Variants in CRYBG3 observed in about 807,000 individuals in gnomAD.
CRYBG3 encodes the protein very large A-kinase anchor protein.
Under a neutral mutation model 244.2 loss-of-function variants are expected in CRYBG3, and 127 were observed. That is an observed-to-expected ratio of 0.52 (90% CI 0.45 to 0.60). The LOEUF (loss-of-function observed/expected upper bound fraction) is 0.60, where lower values mean the gene tolerates loss of function less well. Among genes scored for constraint, CRYBG3 ranks in the 20% least tolerant of loss-of-function variants. The pLI, the probability that CRYBG3 is intolerant of heterozygous loss-of-function variation, is 0.00. For missense variants in CRYBG3, 3,325 were observed against 3,442.5 expected (o/e 0.97, Z 0.85); for synonymous variants, 1,132 against 1,195.8 (o/e 0.95, Z 1.10).
intron 7 of CRYBG3, among the ~76,000 whole-genome samples, chr3:97,886,314 G>A (rs144086127): frequency 7.3e-4 from 111 of 152,250 alleles, no homozygotes; most frequent in African/African-American, 2.4e-3. Context: ...CACTCAAATA[G>A]TTTGGTAACT....
At chr3:97,867,026 A>C (rs1209168963) in intron 3 of CRYBG3, 1 of 152,168 alleles carries the variant, frequency 6.6e-6, no homozygotes, top group African/African-American at 2.4e-5. Context: ...AAGAATTATA[A>C]TTTAGCCCAG....
chr3:97,866,280 C>G (rs1294039413), intron 3 of CRYBG3, among the ~76,000 whole-genome samples: 1 of 151,980 alleles, frequency 6.6e-6, no homozygotes, highest in African/African-American at 2.4e-5. Context: ...ATATCAAGAG[C>G]CTTAAGTTTG....
At chr3:97,896,191 C>T in intron 12 of CRYBG3, 106 bp downstream of exon 12, 1 of 1,090,620 alleles carries the variant, frequency 9.2e-7, no homozygotes, top group Non-Finnish European at 1.3e-6. Flanking sequence ...ATTTCTAACA[C>T]CCAAGAGTAT....
intron 11 of CRYBG3, among the ~76,000 whole-genome samples, chr3:97,893,346 T>C (rs932976313): frequency 7.2e-5 from 11 of 152,234 alleles, no homozygotes; most frequent in Admixed American, 6.5e-4. Context: ...ACTTGACTTA[T>C]GTACCAAGGA....
At chr3:97,903,358 C>T (rs2039727345) in intron 15 of CRYBG3, among the ~76,000 whole-genome samples, 1 of 152,094 alleles carries the variant, frequency 6.6e-6, no homozygotes, top group Non-Finnish European at 1.5e-5. Flanking sequence ...GGAGCCAAAT[C>T]ACAGAAATAC....
intron 4 of CRYBG3, among the ~76,000 whole-genome samples, chr3:97,879,191 A>G (rs911688487): frequency 6.6e-6 from 1 of 152,120 alleles, no homozygotes; most frequent in Non-Finnish European, 1.5e-5. Flanking sequence ...TTGTCTCCCC[A>G]CACTCTGGGT....
chr3:97,874,540 G>A lies in CRYBG3; in HGVS notation c.3346G>A (p.Val1116Ile), dbSNP rs1352711577. The A allele has an allele frequency of 2.0e-6, 3 of 1,535,512 alleles. No homozygotes were observed. Among genetic ancestry groups the A allele is most frequent in the Non-Finnish European group, 1.7e-6 (2 of 1,146,634 alleles). ...CTCTTATTTGGAATTTGAAACGTCT[G>A]TCTCAATTGGGACAGAAGTAACCCC... ...TTSYLEFETS[V>I]SIGTEVTPFQ... Residue 1116 changes from valine (V) to isoleucine (I), a missense_variant, in exon 4 of 22, where the codon GTC becomes ATC. Around this residue, in one of 4 missense-constraint regions of CRYBG3, gnomAD observed 1,526 missense variants for 1,443.2 expected, o/e 1.06. Coordinates refer to ENST00000389622, the MANE Select transcript of CRYBG3 (RefSeq NM_153605.4).
At chr3:97,942,632 C>T (rs1194901266) in intron 21 of CRYBG3, 189 bp downstream of exon 21, 1 of 535,248 alleles carries the variant, frequency 1.9e-6, no homozygotes, top group Non-Finnish European at 3.2e-6. Flanking sequence ...AACAACAAAG[C>T]TTAGGGTTTT....
chr3:97,923,471 C>T (rs576731364), intron 17 of CRYBG3, among the ~76,000 whole-genome samples: 1 of 152,138 alleles, frequency 6.6e-6, no homozygotes, highest in East Asian at 1.9e-4. Flanking sequence ...GTAAACATCA[C>T]ACTTCCCAGT....
At position 97,822,444 on chromosome 3, in the gene CRYBG3, T is replaced by C. The variant is rs913497383; in HGVS notation, c.149+89T>C. 9.5e-6 allele frequency: 12 copies of C among 1,260,832 alleles called. No individual in the cohort carries two copies. The African/African-American group carries it at 1.9e-4, about 20-fold the overall frequency. The allele number at this position is 1,260,832 out of a possible 1,614,324, so 78.1% of individuals were successfully genotyped here. ...CCTGACCGCCGGCAGCGGGCCGCTC[T>C]TGGGCCAGGCTGCAGTTCGCTCGCC... On this transcript the variant is annotated intron_variant, in intron 1 of 21. Coordinates refer to ENST00000389622, the MANE Select transcript of CRYBG3 (RefSeq NM_153605.4).
intron 7 of CRYBG3, among the ~76,000 whole-genome samples, chr3:97,885,470 A>C: frequency 6.6e-6 from 1 of 152,196 alleles, no homozygotes; most frequent in East Asian, 1.9e-4. Context: ...GAGTTCTATC[A>C]TTAAATACTC....
At chr3:97,843,361 C>T (rs2038849067) in intron 2 of CRYBG3, 100 bp downstream of exon 2, 1 of 707,876 alleles carries the variant, frequency 1.4e-6, no homozygotes, top group Non-Finnish European at 2.3e-6. Flanking sequence ...TCAAAAAGAA[C>T]ACTGTATAAT....
At chr3:97,857,643 C>T (rs1024619129) in intron 2 of CRYBG3, among the ~76,000 whole-genome samples, 18 of 151,786 alleles carry the variant, frequency 1.2e-4, no homozygotes, top group African/African-American at 4.1e-4. Flanking sequence ...GACTTGTAGT[C>T]GGTTTTTGGC....
intron 21 of CRYBG3, 25 bp from the exon 22 acceptor site, chr3:97,943,201 T>C (rs757683244): frequency 1.4e-6 from 2 of 1,380,976 alleles, no homozygotes; most frequent in Non-Finnish European, 2.0e-6. Context: ...ACAAATAATC[T>C]TTTCTTTTGG....
In CRYBG3 at chr3:97,941,153, A is replaced by G; in HGVS notation, c.8511A>G (p.Ala2837=). The change falls in exon 20 of 22, where the codon GCA becomes GCG. Residue 2837 remains alanine, a synonymous_variant. Coordinates refer to ENST00000389622, the MANE Select transcript of CRYBG3 (RefSeq NM_153605.4). ...GGCTGTTTCTCCTGTCATAGCCTGC[A>G]GTGTACATCAGAATAAAGAACCGTG... The part of the protein sequence containing the change: ...IGSLRPMKQP[A]VYIRIKNRAQ... The G allele has an allele frequency of 1.2e-6, 2 of 1,606,460 alleles. No individual in the cohort carries two copies. The highest frequency in any genetic ancestry group is 1.7e-6 in the Non-Finnish European group (2 of 1,176,316).
chr3:97,878,535 G>GA (rs546085538), intron 4 of CRYBG3, among the ~76,000 whole-genome samples: 4 of 151,634 alleles, frequency 2.6e-5, no homozygotes, highest in Admixed American at 1.3e-4. Context: ...GGACTACTTA[G>GA]AAAAAAAAAT....
intron 2 of CRYBG3, among the ~76,000 whole-genome samples, 174 bp from the exon 3 acceptor site, chr3:97,864,043 G>A (rs963523030): frequency 6.6e-6 from 1 of 152,104 alleles, no homozygotes; most frequent in East Asian, 1.9e-4. Flanking sequence ...CTTTTTAAAG[G>A]TCATGCTTAC....
In CRYBG3 at chr3:97,848,946, T is replaced by C. The variant is rs553684930; in HGVS notation, c.216+5685T>C. 8.8e-4 allele frequency among the ~76,000 whole-genome samples: 134 copies of C among 152,366 alleles called. 1 individual carries two copies. The highest frequency in any genetic ancestry group is 3.1e-3 in the African/African-American group (127 of 41,596). On this transcript the variant is annotated intron_variant, in intron 2 of 21. Coordinates refer to ENST00000389622, the MANE Select transcript of CRYBG3 (RefSeq NM_153605.4). Reference sequence around the variant, plus strand: ...AGCTTCACAGTCAGCCACTGTTCTCTGCCCCTGCCATTCCTGGCACCTCCT... The same window carrying C: ...AGCTTCACAGTCAGCCACTGTTCTCCGCCCCTGCCATTCCTGGCACCTCCT...
chr3:97,895,766 C>T (rs530560260), intron 11 of CRYBG3, among the ~76,000 whole-genome samples, 193 bp from the exon 12 acceptor site: 1 of 152,298 alleles, frequency 6.6e-6, no homozygotes, highest in South Asian at 2.1e-4. Flanking sequence ...TTGGGAAAAG[C>T]CTCCAAATTA....
Sources: gnomAD v4.1 joint callset for allele counts (sites outside exome capture counted in the v4.1 genomes callset) on GRCh38, gnomAD v4.1.1 for gene constraint, gnomAD v4.1.1 regional missense constraint, MANE v1.5 for transcripts, NCBI Gene and HGNC (gene_info 2026-07-23, HGNC 2026-07-21) for gene names.